NHSL1: variants seen among roughly 807,000 people sequenced by gnomAD.
NHSL1 encodes NHS like 1.
A neutral mutation model predicts 95.0 loss-of-function variants in NHSL1; 48 were observed. The ratio of observed to expected loss-of-function variants is 0.51; its 90% confidence interval spans 0.40 to 0.64. NHSL1 has a LOEUF of 0.64. Among genes scored for constraint, NHSL1 ranks in the 30% least tolerant of loss-of-function variants. NHSL1 has a pLI of 0.00. For synonymous variants in NHSL1, 783 were observed against 833.9 expected, an observed-to-expected ratio of 0.94 and a Z score of 1.05; for missense variants, 1,971 against 2,077.7, an observed-to-expected ratio of 0.95 and a Z score of 1.00.
intron 1 of NHSL1, among the ~76,000 whole-genome samples, chr6:138,542,590 T>C (rs1417319754): frequency 1.3e-5 from 2 of 152,226 alleles, no homozygotes; most frequent in Non-Finnish European, 2.9e-5. Context: ...TGGAAATTTC[T>C]TTTAAAAAGT....
chr6:138,600,143 CAA>C (rs59660094), intron 1 of NHSL1, among the ~76,000 whole-genome samples: 1 of 148,446 alleles, frequency 6.7e-6, no homozygotes, highest in Admixed American at 6.7e-5. Context: ...GACTCCATCT[CAA>C]AAAAAAAATA....
chr6:138,628,081 G>A (rs1487646105), intron 1 of NHSL1, among the ~76,000 whole-genome samples: 1 of 151,988 alleles, frequency 6.6e-6, no homozygotes, highest in African/African-American at 2.4e-5. Flanking sequence ...GGGAGGCCGA[G>A]GTGGGTGGAT....
At chr6:138,476,726 G>T (rs1164416606) in intron 2 of NHSL1, among the ~76,000 whole-genome samples, 1 of 152,072 alleles carries the variant, frequency 6.6e-6, no homozygotes, top group African/African-American at 2.4e-5. Context: ...TACTTGGAAG[G>T]CTGAGGCAGG....
chr6:138,476,078 C>G (rs553796963), intron 2 of NHSL1, among the ~76,000 whole-genome samples: 2 of 152,316 alleles, frequency 1.3e-5, no homozygotes, highest in African/African-American at 2.4e-5. Flanking sequence ...CTATGGAAAA[C>G]AGTATGGAGA....
At chr6:138,569,393 G>A (rs1783741242) in intron 1 of NHSL1, among the ~76,000 whole-genome samples, 1 of 152,010 alleles carries the variant, frequency 6.6e-6, no homozygotes, top group Non-Finnish European at 1.5e-5. Flanking sequence ...GGGGGGTTGC[G>A]GAATAAACTG....
At chr6:138,632,025 C>A (rs9495169) in intron 1 of NHSL1, among the ~76,000 whole-genome samples, 9 of 152,124 alleles carry the variant, frequency 5.9e-5, no homozygotes, top group South Asian at 2.1e-4. Context: ...AGGCAGCATT[C>A]ATCACTAGCT....
intron 1 of NHSL1, among the ~76,000 whole-genome samples, chr6:138,542,257 A>C (rs1214317058): frequency 6.6e-6 from 1 of 152,188 alleles, no homozygotes; most frequent in Non-Finnish European, 1.5e-5. Flanking sequence ...AGAGGCAAGG[A>C]AGAGTCTTTC....
At position 138,439,758 on chromosome 6, in the gene NHSL1, G is replaced by T. The variant is rs144494741; in HGVS notation, c.664+2225C>A. Among the ~76,000 whole-genome samples the T allele has an allele frequency of 1.4e-3, 217 of 151,826 alleles. 1 individual carries two copies. The highest frequency in any genetic ancestry group is 5.0e-3 in the African/African-American group (207 of 41,122). On this transcript the variant is annotated intron_variant, in intron 5 of 7. Coordinates refer to ENST00000343505, the MANE Select transcript of NHSL1 (RefSeq NM_001144060.2). ...ACCGTAATGATATTGACTGTCTCGT[G>T]TCTGGCAACAGTCACAACCCAGATG...
chr6:138,499,134 G>GAC (rs55946895), intron 1 of NHSL1, 99 bp downstream of exon 1: 155,158 of 622,736 alleles, frequency 0.25, 8,013 homozygotes, highest in Non-Finnish European at 0.26. Context: ...CACACACATG[G>GAC]ACACACACAC....
intron 1 of NHSL1, chr6:138,691,955 C>G (rs1293319427): frequency 2.2e-6 from 1 of 456,668 alleles, no homozygotes; most frequent in Non-Finnish European, 4.4e-6. Context: ...TTTTGCTTGT[C>G]GGTAAGAACA....
intron 2 of NHSL1, among the ~76,000 whole-genome samples, chr6:138,495,886 G>T (rs887716455): frequency 2.6e-5 from 4 of 152,144 alleles, no homozygotes; most frequent in Non-Finnish European, 2.9e-5. Context: ...CAAGCAAAAG[G>T]GGTGTCCCCT....
At chr6:138,505,134 C>T (rs1244116256) in intron 1 of NHSL1, among the ~76,000 whole-genome samples, 1 of 152,134 alleles carries the variant, frequency 6.6e-6, no homozygotes, top group East Asian at 1.9e-4. Context: ...CCGCCCCCAT[C>T]CCTATTTACA....
chr6:138,533,630 A>AT (rs374804839), intron 1 of NHSL1, among the ~76,000 whole-genome samples: 1 of 152,170 alleles, frequency 6.6e-6, no homozygotes, highest in Admixed American at 6.5e-5. Flanking sequence ...TCTGAAAATA[A>AT]TTTTTTTCTG....
chr6:138,506,708 T>C (rs982642634), intron 1 of NHSL1, among the ~76,000 whole-genome samples: 2 of 152,182 alleles, frequency 1.3e-5, no homozygotes, highest in Non-Finnish European at 2.9e-5. Context: ...TTGATAGGAG[T>C]AGCTGGAAGA....
At chr6:138,607,156 A>C (rs1784446059) in intron 1 of NHSL1, among the ~76,000 whole-genome samples, 1 of 152,076 alleles carries the variant, frequency 6.6e-6, no homozygotes. Flanking sequence ...AATTCACTCA[A>C]CTTTGGATCT....
At chr6:138,677,687 C>G (rs765689933) in intron 1 of NHSL1, among the ~76,000 whole-genome samples, 6 of 152,178 alleles carry the variant, frequency 3.9e-5, no homozygotes, top group Non-Finnish European at 7.3e-5. Context: ...GGTGTCTACG[C>G]AGATTCAGTC....
intron 4 of NHSL1, among the ~76,000 whole-genome samples, chr6:138,442,948 C>T (rs1157773071): frequency 6.6e-6 from 1 of 151,928 alleles, no homozygotes; most frequent in Non-Finnish European, 1.5e-5. Context: ...TTTTAAATTA[C>T]CTGCCAGTTT....
At chr6:138,672,576 C>G (rs1452819737) in intron 1 of NHSL1, among the ~76,000 whole-genome samples, 1 of 152,152 alleles carries the variant, frequency 6.6e-6, no homozygotes, top group Non-Finnish European at 1.5e-5. Context: ...GAATCAAGTA[C>G]AAGCAGAATA....
At chr6:138,549,993 A>G (rs1366967939), upstream of NHSL1, among the ~76,000 whole-genome samples, 1 of 152,156 alleles carries the variant, frequency 6.6e-6, no homozygotes, top group African/African-American at 2.4e-5. Flanking sequence ...TAATCCCAGC[A>G]CTTTAGGAGG....
Sources: allele counts gnomAD v4.1 joint callset (sites outside exome capture counted in the v4.1 genomes callset), GRCh38; gene constraint gnomAD v4.1.1; transcripts MANE v1.5; gene names NCBI Gene and HGNC (gene_info 2026-07-23, HGNC 2026-07-21).